The following SLC44A5 variants were observed in gnomAD, a reference collection of about 807,000 sequenced individuals.
SLC44A5 encodes choline transporter-like protein 5.
SLC44A5 carries 57 observed loss-of-function variants against 101.8 expected under a neutral mutation model. The ratio of observed to expected loss-of-function variants is 0.56; its 90% CI spans 0.45 to 0.70. The LOEUF is 0.70. SLC44A5 is among the 30% of genes least tolerant of loss of function. The pLI is 0.00. For missense variants in SLC44A5, 737 were observed against 853.1 expected (o/e 0.86, Z 1.70); for synonymous variants, 281 against 290.9 (o/e 0.97, Z 0.35).
chr1:75,314,756 C>T (rs1180395918), intron 4 of SLC44A5, among the ~76,000 whole-genome samples: 1 of 152,134 alleles, frequency 6.6e-6, no homozygotes, highest in African/African-American at 2.4e-5. Flanking sequence ...CAATGCTTTT[C>T]AGAATTTAGA....
At chr1:75,595,251 T>C (rs1674568773) in intron 1 of SLC44A5, among the ~76,000 whole-genome samples, 1 of 152,096 alleles carries the variant, frequency 6.6e-6, no homozygotes, top group Non-Finnish European at 1.5e-5. Flanking sequence ...CAGTGATGTA[T>C]TCTCTGGAAA....
chr1:75,612,667 C>T (rs1048386634), upstream of SLC44A5, among the ~76,000 whole-genome samples: 2 of 152,094 alleles, frequency 1.3e-5, no homozygotes, highest in African/African-American at 2.4e-5. Flanking sequence ...TGTTCATTAC[C>T]GTATCCCTAG....
chr1:75,275,998 G>A (rs1169491985), intron 5 of SLC44A5, among the ~76,000 whole-genome samples: 2 of 151,958 alleles, frequency 1.3e-5, no homozygotes, highest in Non-Finnish European at 1.5e-5. Context: ...TCACTCTTAT[G>A]TATATGGCCT....
chr1:75,665,788 C>A, the SLC44A5 span, among the ~76,000 whole-genome samples: 1 of 151,950 alleles, frequency 6.6e-6, no homozygotes, highest in Non-Finnish European at 1.5e-5. Context: ...ATAAATAACC[C>A]CATTTAGAAA....
At chr1:75,511,539 A>T (rs1421028922) in intron 2 of SLC44A5, among the ~76,000 whole-genome samples, 1 of 152,206 alleles carries the variant, frequency 6.6e-6, no homozygotes, top group Non-Finnish European at 1.5e-5. Context: ...TTTCTTATTT[A>T]AAAAATATCA....
intron 2 of SLC44A5, among the ~76,000 whole-genome samples, chr1:75,511,338 A>G (rs992296658): frequency 3.3e-5 from 5 of 152,210 alleles, no homozygotes; most frequent in African/African-American, 1.2e-4. Flanking sequence ...TTAAATGTCA[A>G]ACATGTTTCA....
intron 2 of SLC44A5, among the ~76,000 whole-genome samples, chr1:75,531,788 A>C (rs1441629801): frequency 6.6e-6 from 1 of 152,220 alleles, no homozygotes; most frequent in Non-Finnish European, 1.5e-5. Flanking sequence ...CTTCTCTTCC[A>C]CATTAGTCAT....
At chr1:75,613,029 A>C (rs1243152506), upstream of SLC44A5, among the ~76,000 whole-genome samples, 1 of 152,198 alleles carries the variant, frequency 6.6e-6, no homozygotes, top group African/African-American at 2.4e-5. Flanking sequence ...AACAGATCTT[A>C]TTCTTCTATC....
chr1:75,523,361 G>A (rs1041430608), intron 2 of SLC44A5, among the ~76,000 whole-genome samples: 4 of 152,142 alleles, frequency 2.6e-5, no homozygotes, highest in East Asian at 1.9e-4. Context: ...CCCCCAGGCT[G>A]GAGTGCAGTT....
At chr1:75,617,810 A>C in the SLC44A5 span, among the ~76,000 whole-genome samples, 1 of 152,344 alleles carries the variant, frequency 6.6e-6, no homozygotes, top group East Asian at 1.9e-4. Flanking sequence ...TACTGTGTAT[A>C]ATATTAGACT....
intron 2 of SLC44A5, among the ~76,000 whole-genome samples, chr1:75,403,965 G>A (rs892808321): frequency 2.0e-5 from 3 of 152,106 alleles, no homozygotes; most frequent in Non-Finnish European, 4.4e-5. Flanking sequence ...AAAGTTAGAG[G>A]AATTGCTAAC....
At chr1:75,206,379 T>TA (rs936086313) in intron 23 of SLC44A5, 2 of 424,614 alleles carry the variant, frequency 4.7e-6, no homozygotes, top group Admixed American at 4.1e-5. Context: ...CTACAGATTT[T>TA]AAAAAACGTT....
chr1:75,558,540 A>G (rs1032936614), intron 1 of SLC44A5, among the ~76,000 whole-genome samples: 2 of 152,098 alleles, frequency 1.3e-5, no homozygotes, highest in African/African-American at 2.4e-5. Flanking sequence ...AAAACTCCAC[A>G]CTACCTTAAT....
At chr1:75,702,528 A>C in the SLC44A5 span, among the ~76,000 whole-genome samples, 1 of 152,190 alleles carries the variant, frequency 6.6e-6, no homozygotes, top group Non-Finnish European at 1.5e-5. Context: ...TTAAAGACTT[A>C]AATGTTAGAC....
At chr1:75,682,203 C>T in the SLC44A5 span, among the ~76,000 whole-genome samples, 1 of 152,158 alleles carries the variant, frequency 6.6e-6, no homozygotes, top group African/African-American at 2.4e-5. Context: ...GGATTCAATG[C>T]CATCTCCATC....
At chr1:75,389,367 T>C (rs1037529569) in intron 3 of SLC44A5, among the ~76,000 whole-genome samples, 5 of 152,136 alleles carry the variant, frequency 3.3e-5, no homozygotes, top group African/African-American at 1.2e-4. Context: ...CCACAGAATA[T>C]ACATTCTTCT....
chr1:75,224,675 A>G (rs1427778279), intron 13 of SLC44A5, among the ~76,000 whole-genome samples: 2 of 151,900 alleles, frequency 1.3e-5, no homozygotes, highest in Non-Finnish European at 2.9e-5. Flanking sequence ...GGCTCAAATG[A>G]TCCTCCCACC....
At chr1:75,480,416 G>A (rs1413220178) in intron 2 of SLC44A5, among the ~76,000 whole-genome samples, 4 of 152,186 alleles carry the variant, frequency 2.6e-5, no homozygotes, top group South Asian at 2.1e-4. Context: ...AATTAGGCAG[G>A]AGAAGGAAAT....
chr1:75,545,256 G>A (rs1403255777), intron 1 of SLC44A5, among the ~76,000 whole-genome samples: 7 of 152,024 alleles, frequency 4.6e-5, no homozygotes, highest in Admixed American at 1.3e-4. Context: ...CCAGTCTATC[G>A]TTGATAGACA....
Sources: allele counts gnomAD v4.1 joint callset (sites outside exome capture counted in the v4.1 genomes callset), GRCh38; gene constraint gnomAD v4.1.1; transcripts MANE v1.5; gene names NCBI Gene and HGNC (gene_info 2026-07-23, HGNC 2026-07-21).